SNX25: variants seen among roughly 807,000 people sequenced by gnomAD.
SNX25 encodes the protein sorting nexin 25, also known as sorting nexin-25.
Under a neutral mutation model 113.7 loss-of-function variants are expected in SNX25, and 62 were observed. That is an observed-to-expected ratio of 0.55 (90% CI 0.44 to 0.67). The LOEUF (loss-of-function observed/expected upper bound fraction) is 0.67, where lower values mean the gene tolerates loss of function less well. Ranked by LOEUF, SNX25 falls within the 30% of genes least tolerant of loss-of-function variation. The pLI is 0.00. For missense variants in SNX25, 1,014 were observed against 1,161.0 expected (o/e 0.87, Z 1.84); for synonymous variants, 421 against 436.2 (o/e 0.97, Z 0.43).
intron 6 of SNX25, among the ~76,000 whole-genome samples, chr4:185,300,581 G>A (rs1183703582): frequency 6.6e-6 from 1 of 151,796 alleles, no homozygotes; most frequent in Non-Finnish European, 1.5e-5. Flanking sequence ...GGACTTCTCC[G>A]GGTCTTTTCT....
At chr4:185,259,402 A>C (rs1746920847) in intron 3 of SNX25, among the ~76,000 whole-genome samples, 1 of 152,202 alleles carries the variant, frequency 6.6e-6, no homozygotes. Flanking sequence ...ATGAGTTTAC[A>C]GTATTTAGAC....
chr4:185,341,837 C>G, intron 11 of SNX25, 139 bp from the exon 12 acceptor site: 1 of 795,656 alleles, frequency 1.3e-6, no homozygotes, highest in Non-Finnish European at 1.8e-6. Context: ...AGAATAAAAT[C>G]TATAATATTC....
At chr4:185,354,123 A>G (rs11941894) in intron 15 of SNX25, among the ~76,000 whole-genome samples, 64,199 of 151,936 alleles carry the variant, frequency 0.42, 16,140 homozygotes, top group African/African-American at 0.71. Context: ...TCCTAACGTA[A>G]CATAGCGTCC....
chr4:185,351,540 G>A lies in SNX25; in HGVS notation c.2397G>A (p.Gly799=). The A allele has an allele frequency of 6.2e-7, 1 of 1,613,770 alleles. No homozygotes were observed. Among genetic ancestry groups the A allele is most frequent in the East Asian group, 2.2e-5 (1 of 44,864 alleles). Reference sequence around the variant, plus strand: ...ACCTCAAGGTTATCGACGTGCAGGGGAAAAAAAATTCTTTTTCATTATCCT... The same window carrying A: ...ACCTCAAGGTTATCGACGTGCAGGGAAAAAAAAATTCTTTTTCATTATCCT... ...PDYLKVIDVQ[G]KKNSFSLSSF... Residue 799 remains glycine (G), a synonymous_variant, in exon 14 of 19, where the codon GGG becomes GGA. Coordinates refer to ENST00000652585, the MANE Select transcript of SNX25 (RefSeq NM_001378034.2).
chr4:185,374,163 G>C (rs145603170), downstream of SNX25: 3 of 1,613,998 alleles, frequency 1.9e-6, no homozygotes, highest in African/African-American at 4.0e-5. Context: ...CTCCTTGGTT[G>C]AGTAATACAG....
At position 185,225,029 on chromosome 4, in the gene SNX25, C is replaced by G. The variant is rs1268554594; in HGVS notation, c.429+14774C>G. Among the ~76,000 whole-genome samples the G allele has an allele frequency of 2.7e-5, 4 of 150,658 alleles. No homozygotes were observed. In the East Asian group the frequency reaches 7.8e-4, roughly 29 times the overall value. On this transcript the variant is annotated intron_variant, in intron 1 of 18. Transcript: ENST00000652585. ...ACTGGTCATTGTTTCTTGACTTCCT[C>G]TATGGAAGGATCTGAAAAAAATACA...
rs571544733 is a variant in SNX25, at chr4:185,213,492, T to C, written c.429+3237T>C. Among the ~76,000 whole-genome samples, 5 of 152,324 alleles carry C rather than the reference T, an allele frequency of 3.3e-5. No individual in the cohort carries two copies. In the East Asian group the frequency reaches 9.6e-4, roughly 29 times the overall value. On this transcript the variant is annotated intron_variant, in intron 1 of 18. Coordinates refer to ENST00000652585, the MANE Select transcript of SNX25 (RefSeq NM_001378034.2). The stretch of plus-strand genomic sequence containing the variant: ...CAGTTTAGAAAAACTTGGACTCTTG[T>C]TACAGGTGAGCAGAGCGGAGCGGAA...
intron 5 of SNX25, among the ~76,000 whole-genome samples, chr4:185,267,917 T>C (rs566222149): frequency 5.7e-4 from 86 of 152,020 alleles, no homozygotes; most frequent in African/African-American, 2.0e-3. Context: ...AAAGAGAAAA[T>C]ATATTTACTA....
intron 1 of SNX25, among the ~76,000 whole-genome samples, chr4:185,228,571 C>T (rs564602737): frequency 5.9e-5 from 9 of 152,138 alleles, no homozygotes; most frequent in African/African-American, 2.2e-4. Flanking sequence ...GCATCTTGCT[C>T]TATAGCCCAG....
At chr4:185,337,530 A>T (rs748020207) in intron 10 of SNX25, among the ~76,000 whole-genome samples, 1 of 152,210 alleles carries the variant, frequency 6.6e-6, no homozygotes, top group East Asian at 1.9e-4. Context: ...CTTCTTGGCT[A>T]TTGTTAGTAA....
chr4:185,205,580 G>C (rs1319795037), upstream of SNX25, among the ~76,000 whole-genome samples: 1 of 152,106 alleles, frequency 6.6e-6, no homozygotes. Flanking sequence ...TTGTAATTCC[G>C]CACTTTGAGA....
intron 13 of SNX25, among the ~76,000 whole-genome samples, chr4:185,348,141 T>C (rs1190134230): frequency 6.6e-6 from 1 of 152,228 alleles, no homozygotes; most frequent in East Asian, 1.9e-4. Flanking sequence ...ACCACTTTTT[T>C]TTCCTTTGCT....
intron 2 of SNX25, among the ~76,000 whole-genome samples, chr4:185,248,470 G>A (rs1030087347): frequency 6.6e-6 from 1 of 151,800 alleles, no homozygotes; most frequent in Non-Finnish European, 1.5e-5. Flanking sequence ...TGGGCAACAT[G>A]GTGAAACTCT....
upstream of SNX25, among the ~76,000 whole-genome samples, chr4:185,206,386 G>A (rs1737187242): frequency 6.6e-6 from 1 of 152,128 alleles, no homozygotes; most frequent in Non-Finnish European, 1.5e-5. Flanking sequence ...AATGGAAGAT[G>A]TATGCCGGGC....
intron 6 of SNX25, among the ~76,000 whole-genome samples, chr4:185,288,286 A>G (rs1284658018): frequency 1.3e-5 from 2 of 152,220 alleles, no homozygotes; most frequent in African/African-American, 4.8e-5. Flanking sequence ...GTATTTCTGT[A>G]TTCCCGTATA....
At chr4:185,229,532 T>TA (rs1440344127) in intron 1 of SNX25, among the ~76,000 whole-genome samples, 1 of 152,202 alleles carries the variant, frequency 6.6e-6, no homozygotes, top group Non-Finnish European at 1.5e-5. Context: ...TATCCATTAT[T>TA]AAATCAGAGG....
At chr4:185,235,993 A>C (rs1472618197) in intron 1 of SNX25, among the ~76,000 whole-genome samples, 2 of 152,198 alleles carry the variant, frequency 1.3e-5, no homozygotes, top group African/African-American at 4.8e-5. Context: ...TGGAGTCAAC[A>C]CAATCTGTGG....
intron 1 of SNX25, among the ~76,000 whole-genome samples, chr4:185,219,073 C>T (rs1045857534): frequency 6.6e-6 from 1 of 152,078 alleles, no homozygotes; most frequent in South Asian, 2.1e-4. Context: ...GAGAGAGGTC[C>T]CTGTGCTATG....
intron 7 of SNX25, among the ~76,000 whole-genome samples, chr4:185,312,138 G>T (rs1191823616): frequency 6.6e-6 from 1 of 152,052 alleles, no homozygotes; most frequent in Non-Finnish European, 1.5e-5. Flanking sequence ...TGTAGATGAG[G>T]TCTTTGTCTT....
Sources: gnomAD v4.1 joint callset for allele counts (sites outside exome capture counted in the v4.1 genomes callset) on GRCh38, gnomAD v4.1.1 for gene constraint, MANE v1.5 for transcripts, NCBI Gene and HGNC (gene_info 2026-07-23, HGNC 2026-07-21) for gene names.